Variants in TBL1XR1 observed in about 807,000 individuals in gnomAD.
The protein encoded by TBL1XR1 is F-box-like/WD repeat-containing protein TBL1XR1.
TBL1XR1 carries 5 observed loss-of-function variants against 66.9 expected under a neutral mutation model. The observed-to-expected ratio is 0.07, with a 90% CI of 0.04 to 0.16. TBL1XR1 has a LOEUF of 0.16. TBL1XR1 is among the 10% of genes least tolerant of loss of function. The pLI is 1.00. For missense variants in TBL1XR1, 238 were observed against 623.2 expected (o/e 0.38, Z 6.58); for synonymous variants, 210 against 206.0 (o/e 1.02, Z -0.17).
intron 4 of TBL1XR1, among the ~76,000 whole-genome samples, chr3:177,052,423 T>A (rs1359538379): frequency 6.6e-6 from 1 of 152,192 alleles, no homozygotes; most frequent in African/African-American, 2.4e-5. Flanking sequence ...CAATCTACAG[T>A]GTTATTGCAG....
intron 3 of TBL1XR1, among the ~76,000 whole-genome samples, chr3:177,055,141 A>G (rs1717631541): frequency 6.6e-6 from 1 of 152,126 alleles, no homozygotes; most frequent in Non-Finnish European, 1.5e-5. Flanking sequence ...TCTATATAGT[A>G]TGTCTGTTGG....
intron 1 of TBL1XR1, among the ~76,000 whole-genome samples, chr3:177,129,532 G>A (rs1016572987): frequency 6.6e-6 from 1 of 152,052 alleles, no homozygotes; most frequent in Non-Finnish European, 1.5e-5. Flanking sequence ...TGAAACACAA[G>A]AATAATGAAT....
rs920020068 is a variant in TBL1XR1 at position 177,022,365 on chromosome 3, A to T, written c.*3133T>A. 13 of 152,516 alleles carry T rather than the reference A, an allele frequency of 8.5e-5. No individual in the cohort carries two copies. The highest frequency in any genetic ancestry group is 2.9e-5 in the Non-Finnish European group (2 of 67,960). The allele number at this position is 152,516 out of a possible 1,614,324, so 9.4% of individuals were successfully genotyped here. ...CAGAATTCAATACAATCTAGTATCTATTAGGAAATTAAGAGTTATCACTTC... is the reference window on the plus strand; with the variant it reads ...CAGAATTCAATACAATCTAGTATCTTTTAGGAAATTAAGAGTTATCACTTC... On this transcript the variant is annotated 3_prime_UTR_variant, in exon 16 of 16. Coordinates refer to ENST00000457928, the MANE Select transcript of TBL1XR1 (RefSeq NM_024665.7).
intron 2 of TBL1XR1, among the ~76,000 whole-genome samples, chr3:177,083,412 A>G (rs1721694280): frequency 6.6e-6 from 1 of 152,202 alleles, no homozygotes; most frequent in Non-Finnish European, 1.5e-5. Flanking sequence ...ATATTTCTCT[A>G]TCTTTCTGCA....
intron 1 of TBL1XR1, among the ~76,000 whole-genome samples, chr3:177,172,899 G>A (rs562887326): frequency 1.2e-4 from 19 of 152,028 alleles, no homozygotes; most frequent in South Asian, 6.2e-4. Flanking sequence ...TTGGCCAGGC[G>A]CGGTGGCTCA....
At chr3:177,091,511 T>C (rs893898831) in intron 2 of TBL1XR1, among the ~76,000 whole-genome samples, 3 of 152,142 alleles carry the variant, frequency 2.0e-5, no homozygotes, top group African/African-American at 7.2e-5. Flanking sequence ...AAGATGAGCT[T>C]TGGCCAACAT....
At chr3:177,129,158 A>G (rs1399748966) in intron 1 of TBL1XR1, among the ~76,000 whole-genome samples, 1 of 152,218 alleles carries the variant, frequency 6.6e-6, no homozygotes, top group Non-Finnish European at 1.5e-5. Context: ...TGGCCACAAA[A>G]AATTGTATTA....
intron 1 of TBL1XR1, among the ~76,000 whole-genome samples, chr3:177,180,530 A>C (rs1049720949): frequency 6.6e-6 from 1 of 152,068 alleles, no homozygotes; most frequent in Non-Finnish European, 1.5e-5. Context: ...AATATCACTA[A>C]AATACTGTTG....
At chr3:177,196,821 G>C (rs1269902116) in intron 1 of TBL1XR1, among the ~76,000 whole-genome samples, 1 of 151,834 alleles carries the variant, frequency 6.6e-6, no homozygotes, top group African/African-American at 2.4e-5. Context: ...CACATTTTCG[G>C]GGACAACATA....
chr3:177,084,770 C>T (rs1260840086), intron 2 of TBL1XR1, among the ~76,000 whole-genome samples: 1 of 152,194 alleles, frequency 6.6e-6, no homozygotes, highest in Admixed American at 6.5e-5. Flanking sequence ...GGCAAAGATC[C>T]GTCAATAACA....
At chr3:177,198,525 G>C (rs1011946613), upstream of TBL1XR1, among the ~76,000 whole-genome samples, 5 of 152,326 alleles carry the variant, frequency 3.3e-5, no homozygotes, top group South Asian at 6.2e-4. Context: ...CAGTATGGTT[G>C]AGGGAGGGTT....
Position 177,047,290 on chromosome 3 carries a change from GAGCTTT to G in TBL1XR1, c.864+4_864+9del. The G allele has an allele frequency of 6.5e-7, 1 of 1,546,912 alleles. No homozygotes were observed. The highest frequency in any genetic ancestry group is 1.2e-5 in the South Asian group (1 of 82,556). On this transcript the variant is annotated splice_donor_5th_base_variant and intron_variant, in intron 9 of 15. Coordinates refer to ENST00000457928, the MANE Select transcript of TBL1XR1 (RefSeq NM_024665.7). ...TACATTTGCCTTTACAGAACTTAAT[GAGCTTT>G]TACCTTGTCTACTCCAGCACTTAGG...
At chr3:177,140,654 A>T (rs895882157) in intron 1 of TBL1XR1, among the ~76,000 whole-genome samples, 4 of 152,358 alleles carry the variant, frequency 2.6e-5, no homozygotes, top group Middle Eastern at 3.4e-3. Context: ...ACAAGTGAAA[A>T]AGAAAACAAC....
chr3:177,055,068 CATTT>C (rs1233910882), intron 3 of TBL1XR1, among the ~76,000 whole-genome samples: 2 of 152,112 alleles, frequency 1.3e-5, no homozygotes, highest in African/African-American at 4.8e-5. Context: ...TATTAATAAA[CATTT>C]ATACTAAACA....
At chr3:177,108,936 T>C (rs1331427985) in intron 1 of TBL1XR1, among the ~76,000 whole-genome samples, 1 of 152,190 alleles carries the variant, frequency 6.6e-6, no homozygotes, top group African/African-American at 2.4e-5. Context: ...AGAAGAAATG[T>C]TATGCCCATC....
At chr3:177,098,711 C>G (rs1237441720) in intron 1 of TBL1XR1, among the ~76,000 whole-genome samples, 170 bp from the exon 2 acceptor site, 2 of 152,136 alleles carry the variant, frequency 1.3e-5, no homozygotes, top group African/African-American at 2.4e-5. Context: ...CTTTTGAGTG[C>G]TTAATACTTG....
chr3:177,123,091 A>G (rs1264032807), intron 1 of TBL1XR1, among the ~76,000 whole-genome samples: 3 of 152,164 alleles, frequency 2.0e-5, no homozygotes, highest in Non-Finnish European at 2.9e-5. Context: ...AACTCCTATA[A>G]GAAATCTGCA....
intron 10 of TBL1XR1, 124 bp from the exon 11 acceptor site, chr3:177,038,558 C>A: frequency 1.1e-6 from 1 of 921,162 alleles, no homozygotes; most frequent in Non-Finnish European, 1.5e-6. Context: ...TTACTTTATA[C>A]TTTTTAAGAT....
intron 1 of TBL1XR1, among the ~76,000 whole-genome samples, chr3:177,138,670 G>C (rs1729279493): frequency 6.6e-6 from 1 of 152,056 alleles, no homozygotes; most frequent in Non-Finnish European, 1.5e-5. Flanking sequence ...AGGTTGGAGA[G>C]AGCAGTACAG....
Sources: allele counts gnomAD v4.1 joint callset (sites outside exome capture counted in the v4.1 genomes callset), GRCh38; gene constraint gnomAD v4.1.1; transcripts MANE v1.5; gene names NCBI Gene and HGNC (gene_info 2026-07-23, HGNC 2026-07-21).